The following RARB variants were observed in gnomAD, a reference collection of about 807,000 sequenced individuals.
RARB encodes the protein HBV-activated protein.
RARB carries 17 observed loss-of-function variants against 51.9 expected under a neutral mutation model. The ratio of observed to expected loss-of-function variants is 0.33; its 90% CI spans 0.22 to 0.49. The LOEUF (loss-of-function observed/expected upper bound fraction) is 0.49, where lower values mean the gene tolerates loss of function less well. RARB is among the 20% of genes least tolerant of loss of function. RARB has a pLI of 0.99. For synonymous variants in RARB, 215 were observed against 195.4 expected (o/e 1.10, Z -0.84); for missense variants, 369 against 550.8 (o/e 0.67, Z 3.30).
intron 2 of RARB, among the ~76,000 whole-genome samples, chr3:24,909,635 C>G (rs1281846609): frequency 1.3e-5 from 2 of 150,308 alleles, no homozygotes; most frequent in Non-Finnish European, 3.0e-5. Context: ...ATTAAGCTAT[C>G]TCTACCTTTC....
chr3:25,074,089 G>T (rs1163667994), intron 3 of RARB, among the ~76,000 whole-genome samples: 1 of 152,138 alleles, frequency 6.6e-6, no homozygotes, highest in African/African-American at 2.4e-5. Context: ...ATTAAATTAC[G>T]GATCTAGCTA....
intron 3 of RARB, among the ~76,000 whole-genome samples, chr3:25,513,003 G>A (rs907840296): frequency 6.6e-6 from 1 of 151,992 alleles, no homozygotes; most frequent in East Asian, 1.9e-4. Flanking sequence ...GAAAGCAAAG[G>A]GTACGGCTGG....
At chr3:25,327,196 A>G (rs937004467) in intron 5 of RARB, among the ~76,000 whole-genome samples, 1 of 152,178 alleles carries the variant, frequency 6.6e-6, no homozygotes, top group African/African-American at 2.4e-5. Flanking sequence ...ACAGGGAGAA[A>G]TAAGAGAAAA....
At chr3:24,937,899 A>G (rs973064954) in intron 2 of RARB, among the ~76,000 whole-genome samples, 4 of 152,206 alleles carry the variant, frequency 2.6e-5, no homozygotes, top group Admixed American at 2.6e-4. Flanking sequence ...AAAAATCTAG[A>G]AACAGGGTGT....
At chr3:25,083,211 G>A (rs904404005) in intron 3 of RARB, among the ~76,000 whole-genome samples, 1 of 151,660 alleles carries the variant, frequency 6.6e-6, no homozygotes, top group Non-Finnish European at 1.5e-5. Flanking sequence ...ATAATTTTAT[G>A]GAAGATTACT....
At chr3:25,198,096 A>G (rs1184976663) in intron 5 of RARB, among the ~76,000 whole-genome samples, 1 of 152,104 alleles carries the variant, frequency 6.6e-6, no homozygotes, top group Admixed American at 6.6e-5. Context: ...ATGGAACAGA[A>G]TAGAGAATCC....
chr3:25,540,692 A>G (rs78197156), intron 3 of RARB, among the ~76,000 whole-genome samples: 2,993 of 152,328 alleles, frequency 0.02, 95 homozygotes, highest in African/African-American at 0.069. Flanking sequence ...GACATTTTAT[A>G]TGGGTTGCCC....
At chr3:24,962,984 C>G (rs1696174691) in intron 2 of RARB, among the ~76,000 whole-genome samples, 2 of 152,184 alleles carry the variant, frequency 1.3e-5, no homozygotes, top group Admixed American at 1.3e-4. Flanking sequence ...TTAATCCCTT[C>G]AGCCTGCCTA....
intron 3 of RARB, among the ~76,000 whole-genome samples, chr3:25,567,812 G>A (rs545533738): frequency 6.6e-5 from 10 of 152,246 alleles, no homozygotes; most frequent in South Asian, 2.1e-4. Context: ...GGCAGAGGCC[G>A]AGGAAAAGAG....
intron 5 of RARB, among the ~76,000 whole-genome samples, chr3:25,366,615 T>A (rs1706126872): frequency 6.6e-6 from 1 of 152,186 alleles, no homozygotes; most frequent in African/African-American, 2.4e-5. Context: ...AAAATATTTT[T>A]AGCTCATGGT....
chr3:25,459,249 C>T (rs1695052630), intron 1 of RARB, among the ~76,000 whole-genome samples: 1 of 152,120 alleles, frequency 6.6e-6, no homozygotes. Flanking sequence ...GAAAAACAAC[C>T]AGATATTTGA....
chr3:25,177,896 T>C (rs1700787732), intron 5 of RARB, among the ~76,000 whole-genome samples: 1 of 152,208 alleles, frequency 6.6e-6, no homozygotes, highest in Non-Finnish European at 1.5e-5. Flanking sequence ...TATCTAAATC[T>C]TTTAAGAATG....
At chr3:25,350,129 G>T (rs1223230777) in intron 5 of RARB, among the ~76,000 whole-genome samples, 1 of 152,048 alleles carries the variant, frequency 6.6e-6, no homozygotes, top group Non-Finnish European at 1.5e-5. Flanking sequence ...CTTGGAACTG[G>T]CCCATCATTG....
intron 5 of RARB, among the ~76,000 whole-genome samples, chr3:25,582,882 T>A (rs1173712283): frequency 2.6e-5 from 4 of 152,196 alleles, no homozygotes; most frequent in African/African-American, 9.7e-5. Context: ...AGGCATTAAA[T>A]AAGGTAATTA....
chr3:25,416,045 A>G (rs550876820), intron 5 of RARB, among the ~76,000 whole-genome samples: 1 of 152,340 alleles, frequency 6.6e-6, no homozygotes, highest in South Asian at 2.1e-4. Context: ...TGTCTTAATT[A>G]TGGCAACATA....
intron 2 of RARB, among the ~76,000 whole-genome samples, chr3:24,898,878 T>TA (rs1194232408): frequency 2.0e-5 from 3 of 152,140 alleles, no homozygotes; most frequent in Admixed American, 2.0e-4. Context: ...AGAATCCACT[T>TA]TTTGGAAGGG....
chr3:24,920,707 G>T (rs1427177638), intron 2 of RARB, among the ~76,000 whole-genome samples: 1 of 152,080 alleles, frequency 6.6e-6, no homozygotes, highest in Non-Finnish European at 1.5e-5. Context: ...GTTATGCCAC[G>T]ATGGCTTCCA....
chr3:25,158,145 G>A (rs1460462831), intron 4 of RARB, among the ~76,000 whole-genome samples: 1 of 152,186 alleles, frequency 6.6e-6, no homozygotes. Context: ...TTACCAGCCA[G>A]CCTATCAAGA....
intron 3 of RARB, among the ~76,000 whole-genome samples, chr3:25,527,761 C>G (rs1698717245): frequency 6.6e-6 from 1 of 152,176 alleles, no homozygotes; most frequent in African/African-American, 2.4e-5. Flanking sequence ...GATTATTTCT[C>G]CTGAGTGACT....
Sources: allele counts gnomAD v4.1 joint callset (sites outside exome capture counted in the v4.1 genomes callset), GRCh38; gene constraint gnomAD v4.1.1; transcripts MANE v1.5; gene names NCBI Gene and HGNC (gene_info 2026-07-23, HGNC 2026-07-21).